Variants in STPG2 observed in about 807,000 individuals in gnomAD.
The protein encoded by STPG2 is sperm-tail PG-rich repeat-containing protein 2.
Under a neutral mutation model 54.2 loss-of-function variants are expected in STPG2, and 56 were observed. That is an observed-to-expected ratio of 1.03 (90% CI 0.83 to 1.29). The LOEUF is 1.29. Among genes scored for constraint, STPG2 ranks in the 50% most tolerant of loss-of-function variants. The probability of loss-of-function intolerance (pLI) is 0.00; values close to 1 mark genes in which losing one functional copy is unlikely to be tolerated. For synonymous variants in STPG2, 200 were observed against 181.8 expected, an observed-to-expected ratio of 1.10 and a Z score of -0.81; for missense variants, 596 against 544.9, an observed-to-expected ratio of 1.09 and a Z score of -0.93.
intron 10 of STPG2, among the ~76,000 whole-genome samples, chr4:97,597,735 G>A (rs57772100): frequency 0.13 from 20,126 of 151,802 alleles, 4,102 homozygotes; most frequent in African/African-American, 0.44. Flanking sequence ...AACATACATC[G>A]GAAGTATAAG....
chr4:97,739,207 C>G (rs146271263), intron 9 of STPG2, among the ~76,000 whole-genome samples: 3 of 151,802 alleles, frequency 2.0e-5, no homozygotes, highest in African/African-American at 4.8e-5. Context: ...GGGACACATT[C>G]AAAGCAGTGT....
intron 8 of STPG2, among the ~76,000 whole-genome samples, chr4:97,890,481 TTTAA>T (rs1341890756): frequency 6.6e-6 from 1 of 151,810 alleles, no homozygotes; most frequent in Non-Finnish European, 1.5e-5. Flanking sequence ...TTAATTATTA[TTTAA>T]AAATCCAAAT....
At chr4:97,864,623 C>G (rs550590564) in intron 8 of STPG2, among the ~76,000 whole-genome samples, 1 of 152,066 alleles carries the variant, frequency 6.6e-6, no homozygotes, top group Admixed American at 6.6e-5. Flanking sequence ...AAAAAGAGCC[C>G]GCATTGCCAA....
chr4:97,768,504 G>A (rs989372750), intron 9 of STPG2, among the ~76,000 whole-genome samples: 1 of 152,180 alleles, frequency 6.6e-6, no homozygotes, highest in Non-Finnish European at 1.5e-5. Flanking sequence ...ATAAGGTATA[G>A]GAGGAGTCAT....
chr4:97,676,542 AAAGGAAGGAAGG>A (rs70953080), intron 10 of STPG2, among the ~76,000 whole-genome samples: 67 of 131,302 alleles, frequency 5.1e-4, no homozygotes, highest in African/African-American at 1.0e-3. Flanking sequence ...GAGTTGGAAG[AAAGGAAGGAAGG>A]AAGGAAGGAA....
At chr4:97,777,974 C>T (rs1560523536) in intron 9 of STPG2, among the ~76,000 whole-genome samples, 1 of 152,194 alleles carries the variant, frequency 6.6e-6, no homozygotes, top group Non-Finnish European at 1.5e-5. Context: ...CAGTCTACAG[C>T]TCCCAGCATG....
At chr4:97,961,752 G>C (rs1216069320) in intron 7 of STPG2, among the ~76,000 whole-genome samples, 1 of 152,112 alleles carries the variant, frequency 6.6e-6, no homozygotes, top group Non-Finnish European at 1.5e-5. Flanking sequence ...CTTTTATACT[G>C]ATGGTCAGAA....
intron 5 of STPG2, among the ~76,000 whole-genome samples, chr4:98,024,140 T>C (rs536177801): frequency 2.0e-5 from 3 of 152,322 alleles, no homozygotes; most frequent in Admixed American, 6.5e-5. Context: ...CTGGGAGCTG[T>C]AGACCGGAGC....
At chr4:97,974,545 T>G (rs1482322554) in intron 6 of STPG2, among the ~76,000 whole-genome samples, 1 of 151,598 alleles carries the variant, frequency 6.6e-6, no homozygotes, top group African/African-American at 2.4e-5. Flanking sequence ...ACAATTCTTA[T>G]GTGTCTTGGG....
intron 10 of STPG2, among the ~76,000 whole-genome samples, chr4:97,684,606 G>A (rs1004510936): frequency 1.2e-4 from 18 of 152,012 alleles, no homozygotes; most frequent in South Asian, 2.1e-4. Flanking sequence ...AAAATGGATC[G>A]TAGACCTAAG....
rs202031251 is a variant in STPG2, at chr4:98,106,058, C to A, written c.507G>T (p.Lys169Asn). The A allele has an allele frequency of 8.3e-6, 12 of 1,454,276 alleles. No individual in the cohort carries two copies. The highest frequency in any genetic ancestry group is 1.1e-5 in the Non-Finnish European group (12 of 1,071,754). The allele number at this position is 1,454,276 out of a possible 1,614,324, so 90.1% of individuals were successfully genotyped here. A position where few individuals can be genotyped will look rare whatever the true frequency, so the allele number is the denominator to read the frequency against. ...TGTTAACATTTTCATAATATGATGT[C>A]TTTTTCCTTCAGAAAATTCAAATAG... ...GPGQYDIVQKKTSYYENVNIK... is the reference protein window; with the variant it reads ...GPGQYDIVQKNTSYYENVNIK... The change falls in exon 5 of 11, where the codon AAG becomes AAT. Residue 169 changes from lysine to asparagine, a missense_variant. Transcript: ENST00000295268.
intron 8 of STPG2, among the ~76,000 whole-genome samples, chr4:97,905,080 C>A (rs958460662): frequency 6.6e-5 from 10 of 152,002 alleles, no homozygotes; most frequent in East Asian, 3.9e-4. Flanking sequence ...GGCAGGCCAA[C>A]ATTCAGATTC....
chr4:97,960,595 C>G (rs1733847771), intron 7 of STPG2, among the ~76,000 whole-genome samples: 1 of 151,884 alleles, frequency 6.6e-6, no homozygotes, highest in Non-Finnish European at 1.5e-5. Flanking sequence ...AAACTTTTTA[C>G]AATAGCTTCA....
intron 4 of STPG2, among the ~76,000 whole-genome samples, chr4:97,513,599 T>A (rs1178344976): frequency 6.6e-6 from 1 of 152,138 alleles, no homozygotes; most frequent in African/African-American, 2.4e-5. Flanking sequence ...GGGAACCAGA[T>A]GAAGTCCAAA....
At chr4:98,142,935 C>T (rs1740339601) in intron 1 of STPG2, 107 bp downstream of exon 1, 2 of 931,844 alleles carry the variant, frequency 2.1e-6, no homozygotes, top group East Asian at 5.3e-5. Flanking sequence ...GTTATGTTTA[C>T]AAAATGGTAC....
intron 10 of STPG2, among the ~76,000 whole-genome samples, chr4:97,708,524 A>C (rs2149004103): frequency 6.6e-6 from 1 of 152,022 alleles, no homozygotes; most frequent in Non-Finnish European, 1.5e-5. Context: ...AGTGATTCTA[A>C]GAATTTTTCC....
At chr4:97,444,846 C>T (rs1035332098) in intron 4 of STPG2, among the ~76,000 whole-genome samples, 8 of 151,850 alleles carry the variant, frequency 5.3e-5, no homozygotes, top group East Asian at 1.9e-4. Context: ...TGGCTAACAT[C>T]GTGAAACCCC....
chr4:97,538,224 C>T (rs1201193228), intron 4 of STPG2, among the ~76,000 whole-genome samples: 5 of 152,160 alleles, frequency 3.3e-5, no homozygotes, highest in Non-Finnish European at 7.4e-5. Context: ...GAGAAGAAGG[C>T]TTCAGACAAT....
At chr4:97,619,157 G>A (rs1733942565) in intron 10 of STPG2, among the ~76,000 whole-genome samples, 1 of 152,028 alleles carries the variant, frequency 6.6e-6, no homozygotes, top group African/African-American at 2.4e-5. Context: ...AGCTGTTTTT[G>A]CATAAATGTC....
Sources: allele counts gnomAD v4.1 joint callset (sites outside exome capture counted in the v4.1 genomes callset), GRCh38; gene constraint gnomAD v4.1.1; transcripts MANE v1.5; gene names NCBI Gene and HGNC (gene_info 2026-07-23, HGNC 2026-07-21).